The following TXNDC9 variants were observed in gnomAD, a reference collection of about 807,000 sequenced individuals.
TXNDC9 encodes the protein thioredoxin domain-containing protein 9.
TXNDC9 carries 7 observed loss-of-function variants against 23.0 expected under a neutral mutation model. The ratio of observed to expected loss-of-function variants is 0.30; its 90% CI spans 0.17 to 0.57. TXNDC9 has a LOEUF of 0.57. Among genes scored for constraint, TXNDC9 ranks in the 20% least tolerant of loss-of-function variants. The probability of loss-of-function intolerance (pLI) is 0.90; values close to 1 mark genes in which losing one functional copy is unlikely to be tolerated. For synonymous variants in TXNDC9, 72 were observed against 90.6 expected (o/e 0.79, Z 1.17); for missense variants, 198 against 252.6 (o/e 0.78, Z 1.47).
In TXNDC9 at chr2:99,333,092, T is replaced by A; in HGVS notation, c.119A>T (p.Asp40Val). Reference sequence around the variant, plus strand: ...TTTAAGGCGTTCCAATTCATCCTCATCCATCTGATCCAGTTTTTGAATTTC... The same window carrying A: ...TTTAAGGCGTTCCAATTCATCCTCAACCATCTGATCCAGTTTTTGAATTTC... ...DSEIQKLDQM[D>V]EDELERLKEK... is the part of the protein sequence containing the mutation. The change falls in exon 2 of 5, where the codon GAT (aspartate) becomes GTT (valine). Residue 40 changes from aspartate to valine, a missense_variant. Asp to Val is a radical substitution (Grantham distance 152). Transcript: ENST00000264255. 3 of 1,614,076 alleles carry A rather than the reference T, an allele frequency of 1.9e-6. No homozygotes were observed. Among genetic ancestry groups the A allele is most frequent in the South Asian group, 1.1e-5 (1 of 91,074 alleles).
intron 2 of TXNDC9, 140 bp downstream of exon 2, chr2:99,332,875 TGGGCAAA>T: frequency 3.0e-6 from 2 of 658,512 alleles, no homozygotes; most frequent in Admixed American, 3.1e-5. Flanking sequence ...TATTTTTTTC[TGGGCAAA>T]TTTTTAACAG....
At chr2:99,325,036 G>A (rs759978570) in intron 3 of TXNDC9, among the ~76,000 whole-genome samples, 4 of 152,174 alleles carry the variant, frequency 2.6e-5, no homozygotes, top group Admixed American at 6.5e-5. Context: ...GAGCCATGGC[G>A]CCCAACCCGT....
Position 99,319,670 on chromosome 2 carries a change from A to C in TXNDC9, c.*12T>G, listed in dbSNP as rs776788827. On this transcript the variant is annotated 3_prime_UTR_variant, in exon 5 of 5. Coordinates refer to ENST00000264255, the MANE Select transcript of TXNDC9 (RefSeq NM_005783.4). ...AGAAAAAAAAAGACAATTTACAAAGAATTATTGAGCTCTAATCATCATCAG... is the reference window on the plus strand; with the variant it reads ...AGAAAAAAAAAGACAATTTACAAAGCATTATTGAGCTCTAATCATCATCAG... The C allele has an allele frequency of 2.6e-6, 4 of 1,536,444 alleles. No homozygotes were observed.
intron 3 of TXNDC9, among the ~76,000 whole-genome samples, chr2:99,324,933 A>T (rs1372142475): frequency 6.6e-6 from 1 of 152,180 alleles, no homozygotes; most frequent in Non-Finnish European, 1.5e-5. Flanking sequence ...TTTAGTAGAG[A>T]TGGGTTTTCA....
At chr2:99,314,669 T>A (rs2105314630), downstream of TXNDC9, among the ~76,000 whole-genome samples, 1 of 151,044 alleles carries the variant, frequency 6.6e-6, no homozygotes, top group African/African-American at 2.4e-5. Flanking sequence ...TAGCTGGTAC[T>A]ACAGGCGCAT....
At chr2:99,336,192 G>C in intron 1 of TXNDC9, 47 bp downstream of exon 1, 1 of 984,234 alleles carries the variant, frequency 1.0e-6, no homozygotes, top group Non-Finnish European at 1.2e-6. Context: ...ATGTTCACCA[G>C]CACCCGGACG....
At chr2:99,325,623 G>A (rs2094211335) in intron 3 of TXNDC9, among the ~76,000 whole-genome samples, 1 of 152,180 alleles carries the variant, frequency 6.6e-6, no homozygotes, top group Non-Finnish European at 1.5e-5. Context: ...TCAGGCAGTT[G>A]CTTTAGGGCT....
chr2:99,331,828 CAA>C (rs748194331), intron 2 of TXNDC9, among the ~76,000 whole-genome samples: 207 of 152,262 alleles, frequency 1.4e-3, no homozygotes, highest in Middle Eastern at 0.01. Flanking sequence ...CTCCCGGGTT[CAA>C]GAGATTCTCC....
intron 1 of TXNDC9, among the ~76,000 whole-genome samples, chr2:99,334,509 T>C (rs1489479247): frequency 2.6e-5 from 4 of 152,204 alleles, no homozygotes; most frequent in African/African-American, 7.2e-5. Context: ...ATACAGCCTA[T>C]TACTCCTAGG....
At position 99,327,590 on chromosome 2, in the gene TXNDC9, CT is replaced by C. The variant is rs1559235628; in HGVS notation, c.252del (p.Glu85LysfsTer23). ...REIPSERDFF[Q>X]EVKESENVVC... Reference sequence around the variant, plus strand: ...ACCACATTTTCACTCTCCTTGACTTCTTGAAAAAAGTCTCTTTCACTAGGGA... The same window carrying C: ...ACCACATTTTCACTCTCCTTGACTTCTGAAAAAAGTCTCTTTCACTAGGGA... On this transcript the variant is annotated frameshift_variant, in exon 3 of 5. Coordinates refer to ENST00000264255, the MANE Select transcript of TXNDC9 (RefSeq NM_005783.4). LOFTEE classifies it high-confidence loss of function. 1 of 1,613,652 alleles carries C rather than the reference CT, an allele frequency of 6.2e-7. No homozygotes were observed. The highest frequency in any genetic ancestry group is 1.1e-5 in the South Asian group (1 of 91,034).
At chr2:99,336,070 G>A (rs1321117856) in intron 1 of TXNDC9, among the ~76,000 whole-genome samples, 169 bp downstream of exon 1, 1 of 152,232 alleles carries the variant, frequency 6.6e-6, no homozygotes, top group African/African-American at 2.4e-5. Context: ...GCACAGTCCC[G>A]GTGGCCCCAA....
chr2:99,318,361 A>G (rs758800368), downstream of TXNDC9, among the ~76,000 whole-genome samples: 5 of 152,092 alleles, frequency 3.3e-5, no homozygotes, highest in Non-Finnish European at 5.9e-5. Context: ...TTTTTAGTAG[A>G]GACGGGGTTT....
At chr2:99,323,857 C>A (rs1266806301) in intron 3 of TXNDC9, among the ~76,000 whole-genome samples, 1 of 152,020 alleles carries the variant, frequency 6.6e-6, no homozygotes, top group Non-Finnish European at 1.5e-5. Context: ...ATTTATTCAT[C>A]TTTTTTGAGT....
downstream of TXNDC9, among the ~76,000 whole-genome samples, chr2:99,318,414 T>A (rs2094194481): frequency 6.6e-6 from 1 of 152,108 alleles, no homozygotes. Flanking sequence ...GACCTTGTGA[T>A]CCACCCACCT....
At chr2:99,322,563 G>A (rs1239518389) in intron 3 of TXNDC9, 6 of 1,511,302 alleles carry the variant, frequency 4.0e-6, no homozygotes, top group Non-Finnish European at 5.3e-6. Flanking sequence ...AGACTTACAA[G>A]AATCAGAAGT....
chr2:99,313,708 A>G, the TXNDC9 span, among the ~76,000 whole-genome samples: 1 of 152,180 alleles, frequency 6.6e-6, no homozygotes, highest in Non-Finnish European at 1.5e-5. Context: ...GTGGGCATAC[A>G]ATGTTAGAAG....
chr2:99,309,794 C>G, the TXNDC9 span, among the ~76,000 whole-genome samples: 1 of 152,156 alleles, frequency 6.6e-6, no homozygotes, highest in Non-Finnish European at 1.5e-5. Flanking sequence ...TCAAGCGATT[C>G]TCTTGCCTCA....
chr2:99,322,679 T>G, intron 3 of TXNDC9: 1 of 1,530,446 alleles, frequency 6.5e-7, no homozygotes, highest in South Asian at 1.3e-5. Flanking sequence ...AGAAGCACAT[T>G]AAGGCTAAGG....
the TXNDC9 span, among the ~76,000 whole-genome samples, chr2:99,311,589 C>G: frequency 6.3e-3 from 956 of 151,962 alleles, 8 homozygotes; most frequent in African/African-American, 0.021. Flanking sequence ...ACCACCACAC[C>G]CAGCCCTCAG....
Sources: allele counts gnomAD v4.1 joint callset (sites outside exome capture counted in the v4.1 genomes callset), GRCh38; gene constraint gnomAD v4.1.1; transcripts MANE v1.5; gene names NCBI Gene and HGNC (gene_info 2026-07-23, HGNC 2026-07-21).